Variants in FARS2 observed in about 807,000 individuals in gnomAD.
The protein encoded by FARS2 is phenylalanyl-tRNA synthetase 2, mitochondrial, also known as phenylalanine--tRNA ligase, mitochondrial.
In FARS2, 40 loss-of-function variants were observed where a neutral mutation model predicts 46.4. The ratio of observed to expected loss-of-function variants is 0.86; its 90% confidence interval spans 0.67 to 1.12. The LOEUF (loss-of-function observed/expected upper bound fraction) is 1.12. Ranked by LOEUF, FARS2 falls within the 50% of genes most tolerant of loss-of-function variation. The pLI is 0.00. For missense variants in FARS2, 513 were observed against 567.9 expected, an observed-to-expected ratio of 0.90 and a Z score of 0.98; for synonymous variants, 234 against 214.9, an observed-to-expected ratio of 1.09 and a Z score of -0.78.
At chr6:5,300,653 G>A (rs1311349882) in intron 1 of FARS2, among the ~76,000 whole-genome samples, 2 of 151,856 alleles carry the variant, frequency 1.3e-5, no homozygotes, top group Non-Finnish European at 1.5e-5. Context: ...TGGGCATCTG[G>A]TCATTTCCTT....
chr6:5,419,884 A>C (rs1189437064), intron 3 of FARS2, among the ~76,000 whole-genome samples: 1 of 152,136 alleles, frequency 6.6e-6, no homozygotes, highest in African/African-American at 2.4e-5. Context: ...CAAGCCCAGC[A>C]GGCTCACTTT....
chr6:5,350,618 C>T (rs1354672744), intron 1 of FARS2, among the ~76,000 whole-genome samples: 1 of 152,166 alleles, frequency 6.6e-6, no homozygotes, highest in East Asian at 1.9e-4. Context: ...AACATTTGGA[C>T]ATCCCTAGGA....
intron 4 of FARS2, among the ~76,000 whole-genome samples, chr6:5,536,557 C>T (rs1469772068): frequency 1.3e-5 from 2 of 152,014 alleles, no homozygotes; most frequent in Non-Finnish European, 2.9e-5. Context: ...TACTCTAATC[C>T]CTTTACATTC....
chr6:5,750,842 TC>T (rs1274255083), intron 6 of FARS2, among the ~76,000 whole-genome samples: 14 of 152,072 alleles, frequency 9.2e-5, no homozygotes, highest in Non-Finnish European at 2.1e-4. Flanking sequence ...TCTTTCAACT[TC>T]CCCACTCATC....
At chr6:5,745,649 C>A (rs1332859841) in intron 6 of FARS2, among the ~76,000 whole-genome samples, 4 of 152,192 alleles carry the variant, frequency 2.6e-5, no homozygotes, top group South Asian at 2.1e-4. Context: ...AGCAATCCTC[C>A]CACCTCAGCC....
At chr6:5,310,357 G>A (rs1769001730) in intron 1 of FARS2, among the ~76,000 whole-genome samples, 1 of 151,658 alleles carries the variant, frequency 6.6e-6, no homozygotes, top group South Asian at 2.1e-4. Flanking sequence ...AACCTCAAAG[G>A]TCATAAACTA....
chr6:5,723,490 G>A (rs574406661), intron 6 of FARS2, among the ~76,000 whole-genome samples: 7 of 152,256 alleles, frequency 4.6e-5, no homozygotes, highest in South Asian at 2.1e-4. Context: ...TGCAGGATCC[G>A]CTCATAGGCT....
chr6:5,328,852 T>A, intron 1 of FARS2, among the ~76,000 whole-genome samples: 1 of 152,316 alleles, frequency 6.6e-6, no homozygotes, highest in Non-Finnish European at 1.5e-5. Flanking sequence ...TTTAACCTGT[T>A]AATAATGGAG....
intron 5 of FARS2, among the ~76,000 whole-genome samples, chr6:5,573,405 C>T (rs143484088): frequency 6.6e-6 from 1 of 152,244 alleles, no homozygotes; most frequent in African/African-American, 2.4e-5. Flanking sequence ...GACACACACA[C>T]ACACACGCGT....
At chr6:5,528,926 C>T (rs1769645493) in intron 4 of FARS2, among the ~76,000 whole-genome samples, 2 of 152,116 alleles carry the variant, frequency 1.3e-5, no homozygotes, top group Admixed American at 1.3e-4. Context: ...GATGTTGGAG[C>T]AGAAAGATAA....
intron 2 of FARS2, among the ~76,000 whole-genome samples, chr6:5,379,721 G>A (rs891254655): frequency 2.6e-5 from 4 of 152,186 alleles, no homozygotes; most frequent in African/African-American, 4.8e-5. Flanking sequence ...ATGATCAAAT[G>A]GGGTACCGAG....
intron 6 of FARS2, among the ~76,000 whole-genome samples, chr6:5,665,843 T>G (rs115115602): frequency 6.6e-6 from 1 of 152,204 alleles, no homozygotes; most frequent in Non-Finnish European, 1.5e-5. Context: ...TACTACCAAC[T>G]ACTGGGCAGC....
chr6:5,651,673 T>A (rs9504479), intron 6 of FARS2, among the ~76,000 whole-genome samples: 5,087 of 152,254 alleles, frequency 0.033, 251 homozygotes, highest in African/African-American at 0.1. Flanking sequence ...AACCATTGCC[T>A]CTTCTATTTA....
At chr6:5,337,509 C>T (rs575758495) in intron 1 of FARS2, among the ~76,000 whole-genome samples, 2 of 152,150 alleles carry the variant, frequency 1.3e-5, no homozygotes, top group South Asian at 2.1e-4. Context: ...TTTGTGGTTT[C>T]TTATAAAGTC....
chr6:5,735,448 A>G (rs1760887765), intron 6 of FARS2, among the ~76,000 whole-genome samples: 1 of 152,178 alleles, frequency 6.6e-6, no homozygotes, highest in Non-Finnish European at 1.5e-5. Context: ...AGACAGCTCC[A>G]GGCCCACTCC....
intron 6 of FARS2, among the ~76,000 whole-genome samples, chr6:5,741,720 G>T (rs918008447): frequency 6.6e-6 from 1 of 152,130 alleles, no homozygotes; most frequent in Admixed American, 6.5e-5. Flanking sequence ...GCACGATCTC[G>T]GCTCACTGCA....
intron 4 of FARS2, among the ~76,000 whole-genome samples, chr6:5,527,706 C>T (rs1769556388): frequency 6.6e-6 from 1 of 152,168 alleles, no homozygotes; most frequent in Non-Finnish European, 1.5e-5. Context: ...ATATTGTTCC[C>T]TGAAGCTCTG....
chr6:5,517,740 G>A (rs970296787), intron 4 of FARS2, among the ~76,000 whole-genome samples: 3 of 152,006 alleles, frequency 2.0e-5, no homozygotes, highest in African/African-American at 7.3e-5. Flanking sequence ...GGTGAAATGA[G>A]TATTTTAGAT....
intron 4 of FARS2, among the ~76,000 whole-genome samples, chr6:5,514,399 C>A (rs1188934112): frequency 6.6e-6 from 1 of 152,082 alleles, no homozygotes; most frequent in Non-Finnish European, 1.5e-5. Flanking sequence ...TTGGGACTTG[C>A]CTAATTGCAT....
Sources: gnomAD v4.1 joint callset for allele counts (sites outside exome capture counted in the v4.1 genomes callset) on GRCh38, gnomAD v4.1.1 for gene constraint, MANE v1.5 for transcripts, NCBI Gene and HGNC (gene_info 2026-07-23, HGNC 2026-07-21) for gene names.